The following TENM3 variants were observed in gnomAD, a reference collection of about 807,000 sequenced individuals.
The protein encoded by TENM3 is teneurin-3.
In TENM3, 63 loss-of-function variants were observed where a neutral mutation model predicts 255.1. That is an observed-to-expected ratio of 0.25 (90% CI 0.20 to 0.30). The LOEUF is 0.30. Ranked by LOEUF, TENM3 falls within the 10% of genes least tolerant of loss-of-function variation. TENM3 has a pLI of 1.00. For synonymous variants in TENM3, 1,306 were observed against 1,322.3 expected (o/e 0.99, Z 0.27); for missense variants, 2,929 against 3,461.1 (o/e 0.85, Z 3.86).
At chr4:182,652,037 G>A (rs2152513251) in intron 5 of TENM3, among the ~76,000 whole-genome samples, 1 of 152,200 alleles carries the variant, frequency 6.6e-6, no homozygotes, top group South Asian at 2.1e-4. Context: ...TTACGCATTT[G>A]TTTTCTATGT....
chr4:182,036,138 C>T, the TENM3 span, among the ~76,000 whole-genome samples: 4 of 152,156 alleles, frequency 2.6e-5, no homozygotes, highest in African/African-American at 4.8e-5. Context: ...TCCTTCTGTG[C>T]TGTGGTCCTA....
At chr4:182,530,521 C>T (rs969784403) in intron 3 of TENM3, among the ~76,000 whole-genome samples, 10 of 152,228 alleles carry the variant, frequency 6.6e-5, no homozygotes, top group African/African-American at 1.9e-4. Flanking sequence ...TTAGTACTAG[C>T]GACATTTCGA....
At chr4:182,680,434 GAAA>G in intron 9 of TENM3, 85 bp downstream of exon 9, 1 of 873,096 alleles carries the variant, frequency 1.1e-6, no homozygotes, top group Non-Finnish European at 1.8e-6. Flanking sequence ...AGACAGGAAA[GAAA>G]GGGGGGGGGA....
At chr4:181,839,360 TATATATATATATATATATATATATAC>T in the TENM3 span, among the ~76,000 whole-genome samples, 36 of 48,686 alleles carry the variant, frequency 7.4e-4, 1 homozygote, top group African/African-American at 1.9e-3. Flanking sequence ...TATATATATA[TATATATATATATATATATATATATAC>T]ACCTATATAC....
At chr4:181,462,074 G>C in the TENM3 span, among the ~76,000 whole-genome samples, 1 of 152,126 alleles carries the variant, frequency 6.6e-6, no homozygotes, top group African/African-American at 2.4e-5. Flanking sequence ...CTGTGATAGG[G>C]AAGGTCCAAA....
intron 3 of TENM3, among the ~76,000 whole-genome samples, chr4:182,515,079 T>A (rs1306382372): frequency 6.6e-6 from 1 of 152,210 alleles, no homozygotes; most frequent in South Asian, 2.1e-4. Context: ...GAAGACAATT[T>A]ATCATTTAAG....
chr4:182,724,452 T>A (rs1424004283), intron 13 of TENM3, among the ~76,000 whole-genome samples: 1 of 152,238 alleles, frequency 6.6e-6, no homozygotes. Flanking sequence ...AAGTTACTGA[T>A]AAACTCTGCA....
At chr4:182,145,766 C>T (rs6814445) in intron 1 of TENM3, among the ~76,000 whole-genome samples, 89,580 of 152,118 alleles carry the variant, frequency 0.59, 26,513 homozygotes, top group Admixed American at 0.63. Flanking sequence ...GGGCCCCAGA[C>T]GGCTGGGATG....
chr4:182,185,537 T>C (rs1419372871), intron 1 of TENM3, among the ~76,000 whole-genome samples: 1 of 152,216 alleles, frequency 6.6e-6, no homozygotes, highest in Non-Finnish European at 1.5e-5. Context: ...AAAGGCCTTT[T>C]AGTCATTGCA....
the TENM3 span, among the ~76,000 whole-genome samples, chr4:181,628,730 C>A: frequency 9.9e-5 from 15 of 152,072 alleles, no homozygotes; most frequent in Non-Finnish European, 1.8e-4. Context: ...TGTTTTGGTT[C>A]CTGTAGCCTT....
intron 3 of TENM3, among the ~76,000 whole-genome samples, chr4:182,353,197 C>A (rs544282558): frequency 2.0e-5 from 3 of 152,260 alleles, no homozygotes; most frequent in South Asian, 2.1e-4. Context: ...TATCCAGGAA[C>A]CTTTTCTGAG....
the TENM3 span, among the ~76,000 whole-genome samples, chr4:181,557,970 T>C: frequency 5.9e-5 from 9 of 152,246 alleles, 1 homozygote; most frequent in Admixed American, 4.6e-4. Flanking sequence ...TACATGTTCC[T>C]ATGTTCCTGC....
At chr4:182,506,295 T>C (rs17073488) in intron 3 of TENM3, among the ~76,000 whole-genome samples, 1,932 of 152,310 alleles carry the variant, frequency 0.013, 38 homozygotes, top group African/African-American at 0.045. Flanking sequence ...TTAGAGATAA[T>C]ACGGTGTGGT....
At chr4:181,912,287 C>G in the TENM3 span, among the ~76,000 whole-genome samples, 8 of 152,298 alleles carry the variant, frequency 5.3e-5, no homozygotes, top group South Asian at 1.7e-3. Flanking sequence ...ATTTTCATTC[C>G]AAGCTCTGAT....
intron 3 of TENM3, among the ~76,000 whole-genome samples, chr4:182,381,510 A>G (rs781106899): frequency 2.0e-5 from 3 of 151,670 alleles, no homozygotes; most frequent in Non-Finnish European, 2.9e-5. Context: ...CAACTCCACA[A>G]TGGGTTCTAT....
At chr4:182,266,674 AT>A (rs1261362257) in intron 1 of TENM3, among the ~76,000 whole-genome samples, 1 of 152,208 alleles carries the variant, frequency 6.6e-6, no homozygotes, top group African/African-American at 2.4e-5. Context: ...TGATATAAAA[AT>A]CATACAGGAA....
At chr4:181,452,811 G>A in the TENM3 span, among the ~76,000 whole-genome samples, 1 of 152,164 alleles carries the variant, frequency 6.6e-6, no homozygotes, top group Admixed American at 6.5e-5. Context: ...AAGCAAAGAG[G>A]AAAGCATAGA....
At chr4:182,349,066 C>G (rs1462025639) in intron 3 of TENM3, among the ~76,000 whole-genome samples, 1 of 152,168 alleles carries the variant, frequency 6.6e-6, no homozygotes, top group African/African-American at 2.4e-5. Context: ...TGTCAAGGGC[C>G]TTGCCTTGAA....
intron 3 of TENM3, among the ~76,000 whole-genome samples, chr4:182,537,546 T>C (rs968606258): frequency 3.9e-5 from 6 of 152,232 alleles, no homozygotes; most frequent in African/African-American, 1.4e-4. Flanking sequence ...CTTTGCTTTC[T>C]GCTATTTCTT....
Sources: gnomAD v4.1 joint callset for allele counts (sites outside exome capture counted in the v4.1 genomes callset) on GRCh38, gnomAD v4.1.1 for gene constraint, MANE v1.5 for transcripts, NCBI Gene and HGNC (gene_info 2026-07-23, HGNC 2026-07-21) for gene names.